The following SIK3 variants were observed in gnomAD, a reference collection of about 807,000 sequenced individuals.
SIK3 encodes the protein SIK family kinase 3.
SIK3 carries 28 observed loss-of-function variants against 144.2 expected under a neutral mutation model. That is an observed-to-expected ratio of 0.19 (90% CI 0.14 to 0.27). The LOEUF (loss-of-function observed/expected upper bound fraction) is 0.27. SIK3 is among the 10% of genes least tolerant of loss of function. The pLI, the probability that SIK3 is intolerant of heterozygous loss-of-function variation, is 1.00. For missense variants in SIK3, 1,319 were observed against 1,776.0 expected (o/e 0.74, Z 4.62); for synonymous variants, 686 against 676.3 (o/e 1.01, Z -0.22).
intron 21 of SIK3, chr11:116,857,607 T>G: frequency 2.7e-6 from 2 of 752,364 alleles, no homozygotes; most frequent in Non-Finnish European, 4.1e-6. Flanking sequence ...GTGTTAATTT[T>G]GTATCATGGT....
rs1378627917 is a variant in SIK3, at chr11:116,975,514, G to A, written c.274-18450C>T. On this transcript the variant is annotated intron_variant, in intron 1 of 24. Transcript: ENST00000445177. The stretch of plus-strand genomic sequence containing the variant: ...TTACTTGGCATAATGTTTTCAAGGG[G>A]CATTCACCTTGCAGCATGTATCAGT... 2.6e-5 allele frequency among the ~76,000 whole-genome samples: 4 copies of A among 152,122 alleles called. No individual in the cohort carries two copies. In the East Asian group the frequency reaches 7.7e-4, roughly 29 times the overall value.
rs1228239275 is a variant in SIK3 at position 116,896,949 on chromosome 11, C to T, written c.741+244G>A. 3.3e-5 allele frequency among the ~76,000 whole-genome samples: 5 copies of T among 150,422 alleles called. No homozygotes were observed. The Admixed American group carries it at 3.3e-4, about 10-fold the overall frequency. ...GGCTGAGGCAGGAGAATCACTTGAA[C>T]CTGGGAGGTGGAGGTTGCAGTGTGC... On this transcript the variant is annotated intron_variant, in intron 5 of 24. Transcript: ENST00000445177.
rs78889319 is a variant in SIK3, at chr11:117,077,762, C to T, written c.273+20381G>A. Among the ~76,000 whole-genome samples, 519 of 152,248 alleles carry T rather than the reference C, an allele frequency of 3.4e-3. 2 individuals are homozygous for T. The highest frequency in any genetic ancestry group is 0.012 in the African/African-American group (498 of 41,558). On this transcript the variant is annotated intron_variant, in intron 1 of 24. Coordinates refer to ENST00000445177, the MANE Select transcript of SIK3 (RefSeq NM_001366686.3). ...AAGAAAAACAAGCTCATTTTCTACC[C>T]AGAGAAAATGTGCAAAGGGAAGAAC...
intron 1 of SIK3, among the ~76,000 whole-genome samples, chr11:117,070,090 T>A (rs1043963626): frequency 6.6e-6 from 1 of 152,184 alleles, no homozygotes; most frequent in African/African-American, 2.4e-5. Context: ...TATTCCTTAG[T>A]CATGAAATGC....
At chr11:117,006,645 A>AG (rs1565548835) in intron 1 of SIK3, among the ~76,000 whole-genome samples, 1 of 152,058 alleles carries the variant, frequency 6.6e-6, no homozygotes, top group Non-Finnish European at 1.5e-5. Flanking sequence ...GTTTAAAAAA[A>AG]AAAGAAAGAA....
chr11:116,975,502 T>A (rs1260063957), intron 1 of SIK3, among the ~76,000 whole-genome samples: 1 of 152,230 alleles, frequency 6.6e-6, no homozygotes, highest in African/African-American at 2.4e-5. Flanking sequence ...CTTGGCATAA[T>A]GTTTTCAAGG....
intron 1 of SIK3, among the ~76,000 whole-genome samples, chr11:116,988,954 CA>C (rs1215695813): frequency 1.3e-5 from 2 of 149,990 alleles, no homozygotes; most frequent in Admixed American, 6.6e-5. Flanking sequence ...CAAAACAAAA[CA>C]AAAAAAAACC....
At chr11:116,967,171 T>C (rs1949589677) in intron 1 of SIK3, among the ~76,000 whole-genome samples, 1 of 152,320 alleles carries the variant, frequency 6.6e-6, no homozygotes, top group Admixed American at 6.5e-5. Context: ...TACATGCTAC[T>C]CTTTCCTGGA....
intron 18 of SIK3, 57 bp from the exon 19 acceptor site, chr11:116,861,440 T>TA: frequency 1.5e-6 from 2 of 1,316,504 alleles, no homozygotes; most frequent in Non-Finnish European, 2.1e-6. Context: ...AGTACAATCT[T>TA]AAGTTTCAGC....
intron 1 of SIK3, among the ~76,000 whole-genome samples, chr11:117,069,078 A>G (rs1351333290): frequency 6.6e-6 from 1 of 151,210 alleles, no homozygotes; most frequent in East Asian, 2.0e-4. Context: ...TGGAAACATC[A>G]GCATGAATCT....
chr11:116,945,176 T>A (rs11216196), intron 3 of SIK3, among the ~76,000 whole-genome samples: 1 of 151,596 alleles, frequency 6.6e-6, no homozygotes, highest in Non-Finnish European at 1.5e-5. Flanking sequence ...AGCCAGGATG[T>A]TCTCAATCTC....
chr11:117,006,293 T>C (rs1288239508), intron 1 of SIK3, among the ~76,000 whole-genome samples: 1 of 152,164 alleles, frequency 6.6e-6, no homozygotes, highest in Non-Finnish European at 1.5e-5. Flanking sequence ...ATGGGCTATG[T>C]AGCTTTGATC....
chr11:116,868,618 C>T (rs1189687648), intron 14 of SIK3, among the ~76,000 whole-genome samples: 1 of 152,112 alleles, frequency 6.6e-6, no homozygotes, highest in Non-Finnish European at 1.5e-5. Context: ...ATTCCAAAAC[C>T]ACCCTTTCCC....
intron 4 of SIK3, among the ~76,000 whole-genome samples, chr11:116,913,649 T>C (rs1219145389): frequency 6.6e-6 from 1 of 152,238 alleles, no homozygotes; most frequent in African/African-American, 2.4e-5. Flanking sequence ...GAGTATATCA[T>C]AGTCATGATT....
intron 4 of SIK3, among the ~76,000 whole-genome samples, chr11:116,926,353 G>A (rs1947271661): frequency 6.6e-6 from 1 of 152,168 alleles, no homozygotes; most frequent in African/African-American, 2.4e-5. Flanking sequence ...TAGGCAAAAT[G>A]CTGATAGTTT....
At chr11:116,919,500 C>T (rs1420930826) in intron 4 of SIK3, among the ~76,000 whole-genome samples, 1 of 152,122 alleles carries the variant, frequency 6.6e-6, no homozygotes, top group African/African-American at 2.4e-5. Context: ...TGGGAGTCGA[C>T]ATTTAAAGAC....
At position 117,067,878 on chromosome 11, in the gene SIK3, T is replaced by A. The variant is rs187967056; in HGVS notation, c.273+30265A>T. On this transcript the variant is annotated intron_variant, in intron 1 of 24. Transcript: ENST00000445177. ...GACAGGCACCTGTAGTCCAAGCTAC[T>A]GGGGAGGTTGAGGCAGAATCGCTTC... is the stretch of plus-strand genomic sequence containing the variant. Among the ~76,000 whole-genome samples, 687 of 152,096 alleles carry A rather than the reference T, an allele frequency of 4.5e-3. 3 individuals carry two copies. The highest frequency in any genetic ancestry group is 7.0e-3 in the Non-Finnish European group (475 of 67,984).
chr11:116,923,681 G>C (rs1427251069), intron 4 of SIK3, among the ~76,000 whole-genome samples: 1 of 152,116 alleles, frequency 6.6e-6, no homozygotes, highest in Admixed American at 6.5e-5. Flanking sequence ...TTTCTGTTTT[G>C]CTCTTAAAAC....
intron 19 of SIK3, 146 bp from the exon 20 acceptor site, chr11:116,859,750 C>T (rs1435618613): frequency 8.7e-6 from 6 of 689,276 alleles, no homozygotes; most frequent in Non-Finnish European, 9.8e-6. Flanking sequence ...GTCTGGAGAA[C>T]TTGTTAAACA....
Sources: gnomAD v4.1 joint callset for allele counts (sites outside exome capture counted in the v4.1 genomes callset) on GRCh38, gnomAD v4.1.1 for gene constraint, MANE v1.5 for transcripts, NCBI Gene and HGNC (gene_info 2026-07-23, HGNC 2026-07-21) for gene names.